Variants in PDAP1 observed in about 807,000 individuals in gnomAD.
The protein encoded by PDAP1 is 28 kDa heat- and acid-stable phosphoprotein.
PDAP1 carries 13 observed loss-of-function variants against 28.0 expected under a neutral mutation model. That is an observed-to-expected ratio of 0.46 (90% CI 0.30 to 0.74). The LOEUF (loss-of-function observed/expected upper bound fraction) is 0.74, where lower values mean the gene tolerates loss of function less well. Ranked by LOEUF, PDAP1 falls within the 30% of genes least tolerant of loss-of-function variation. The pLI is 0.07. For synonymous variants in PDAP1, 77 were observed against 85.1 expected (o/e 0.91, Z 0.52); for missense variants, 150 against 230.0 (o/e 0.65, Z 2.25).
In PDAP1 at chr7:99,394,728, A is replaced by G. The variant is rs2150900632; in HGVS notation, c.*1954T>C. 1 of 1,287,710 alleles carries G rather than the reference A, an allele frequency of 7.8e-7. No homozygotes were observed. The highest frequency in any genetic ancestry group is 1.6e-5 in the African/African-American group (1 of 62,090). 79.8% of individuals were successfully genotyped at this position (1,287,710 alleles called of 1,614,324 possible). Reference sequence around the variant, plus strand: ...AAAAAAAAAATGCCCCCAAAGCACTATGCTGGTCATGAACTGCTTCAAAAT... The same window carrying G: ...AAAAAAAAAATGCCCCCAAAGCACTGTGCTGGTCATGAACTGCTTCAAAAT... On this transcript the variant is annotated 3_prime_UTR_variant, in exon 6 of 6. Transcript: ENST00000350498.
chr7:99,403,316 G>C (rs1794914402), intron 3 of PDAP1, 82 bp downstream of exon 3: 1 of 823,278 alleles, frequency 1.2e-6, no homozygotes, highest in Admixed American at 1.9e-5. Context: ...ATCTACCTTT[G>C]GGACTAGTAC....
intron 3 of PDAP1, among the ~76,000 whole-genome samples, chr7:99,402,001 G>A (rs1794876184): frequency 6.6e-6 from 1 of 151,990 alleles, no homozygotes; most frequent in African/African-American, 2.4e-5. Context: ...TGGGCGCAGT[G>A]GCTCACGCCT....
intron 1 of PDAP1, chr7:99,406,603 A>C (rs1794976140): frequency 2.0e-6 from 2 of 985,288 alleles, no homozygotes; most frequent in Non-Finnish European, 2.4e-6. Context: ...CCCTTGCTTA[A>C]GCCATCAGCC....
At chr7:99,400,053 C>T (rs990036194) in intron 4 of PDAP1, among the ~76,000 whole-genome samples, 1 of 152,218 alleles carries the variant, frequency 6.6e-6, no homozygotes, top group African/African-American at 2.4e-5. Context: ...GGAGGGCAAC[C>T]CTCTGTATCC....
rs771133696 is a variant in PDAP1 at position 99,397,843 on chromosome 7, T to TGCGCA, written c.487+14_487+18dup. On this transcript the variant is annotated intron_variant, in intron 5 of 5. Transcript: ENST00000350498. ...ACCAGAGTTGGGGCCTGTCCCTGCG[T>TGCGCA]GCGCAGCCCAGCCCTTACCTTTCCT... 6.2e-7 allele frequency: 1 copy of TGCGCA among 1,610,920 alleles called. No individual in the cohort carries two copies. The highest frequency in any genetic ancestry group is 2.2e-5 in the East Asian group (1 of 44,824).
At chr7:99,405,009 C>A (rs1794945606) in intron 1 of PDAP1, 56 bp from the exon 2 acceptor site, 13 of 1,323,540 alleles carry the variant, frequency 9.8e-6, no homozygotes, top group Non-Finnish European at 1.4e-5. Context: ...TGCTCTGACC[C>A]CCAGAGGGCT....
chr7:99,396,421 C>T lies in PDAP1; in HGVS notation c.*261G>A. 1 of 545,652 alleles carries T rather than the reference C, an allele frequency of 1.8e-6. No homozygotes were observed. The highest frequency in any genetic ancestry group is 3.3e-6 in the Non-Finnish European group (1 of 303,160). 33.8% of individuals were successfully genotyped at this position (545,652 alleles called of 1,614,324 possible). On this transcript the variant is annotated 3_prime_UTR_variant, in exon 6 of 6. Coordinates refer to ENST00000350498, the MANE Select transcript of PDAP1 (RefSeq NM_014891.7). ...CAGCAAGGGCTCTGAATTCTAAAAA[C>T]AGCAAAAACATTCAAATGGTTACAT...
At chr7:99,408,340 G>C (rs1250026547) in intron 1 of PDAP1, among the ~76,000 whole-genome samples, 196 bp downstream of exon 1, 1 of 152,226 alleles carries the variant, frequency 6.6e-6, no homozygotes, top group East Asian at 1.9e-4. Flanking sequence ...ACCACTGACG[G>C]AGTGACTCTG....
rs183146288 is a variant in PDAP1, at chr7:99,398,588, C to G, written c.336-575G>C. ...CACATGGCTAAGGCAGCATGGCTCC[C>G]AGCTACATGGGAGGCTGAGGCAGGC... On this transcript the variant is annotated intron_variant, in intron 4 of 5. Coordinates refer to ENST00000350498, the MANE Select transcript of PDAP1 (RefSeq NM_014891.7). Among the ~76,000 whole-genome samples the G allele has an allele frequency of 2.0e-5, 3 of 152,184 alleles. No individual in the cohort carries two copies. In the East Asian group the frequency reaches 5.8e-4, roughly 29 times the overall value.
At chr7:99,403,318 G>A (rs377592295) in intron 3 of PDAP1, 80 bp downstream of exon 3, 9 of 838,704 alleles carry the variant, frequency 1.1e-5, no homozygotes, top group African/African-American at 3.3e-5. Context: ...CTACCTTTGG[G>A]ACTAGTACTA....
At chr7:99,406,490 A>G (rs1402702940) in intron 1 of PDAP1, 1 of 839,770 alleles carries the variant, frequency 1.2e-6, no homozygotes, top group East Asian at 1.2e-4. Flanking sequence ...CAAAGTACAG[A>G]TGAAAACAAA....
chr7:99,403,978 C>T (rs1442903763), intron 2 of PDAP1, among the ~76,000 whole-genome samples: 1 of 152,186 alleles, frequency 6.6e-6, no homozygotes, highest in Non-Finnish European at 1.5e-5. Flanking sequence ...CCCACCCACA[C>T]AGGTGACCTC....
intron 1 of PDAP1, among the ~76,000 whole-genome samples, chr7:99,407,706 G>A (rs938331789): frequency 3.9e-5 from 6 of 152,156 alleles, no homozygotes; most frequent in African/African-American, 1.4e-4. Flanking sequence ...AACTTGTTCA[G>A]GGCCACAGAA....
chr7:99,399,752 C>T (rs1794829179), intron 4 of PDAP1, among the ~76,000 whole-genome samples: 1 of 152,218 alleles, frequency 6.6e-6, no homozygotes, highest in African/African-American at 2.4e-5. Flanking sequence ...TGCCAAAAGT[C>T]AGGGCACCAG....
Position 99,403,410 on chromosome 7 carries a change from T to G in PDAP1, c.201A>C (p.Glu67Asp), listed in dbSNP as rs202104648. The G allele has an allele frequency of 6.3e-7, 1 of 1,597,246 alleles. No individual in the cohort carries two copies. The highest frequency in any genetic ancestry group is 1.7e-5 in the Admixed American group (1 of 59,992). Residue 67 changes from glutamate to aspartate, a missense_variant, in exon 3 of 6, where the codon GAA becomes GAC. Glu to Asp is a conservative substitution (Grantham distance 45, BLOSUM62 2). Coordinates refer to ENST00000350498, the MANE Select transcript of PDAP1 (RefSeq NM_014891.7). ...AAGAACTCAGTACCTGGTAGTCATC[T>G]TCTTCATCCTCACTCTCATCTGAGT... ...SLDSDESEDE[E>D]DDYQQKRKGV...
intron 1 of PDAP1, among the ~76,000 whole-genome samples, chr7:99,407,547 A>G (rs888736047): frequency 6.6e-6 from 1 of 152,224 alleles, no homozygotes; most frequent in South Asian, 2.1e-4. Context: ...TGAGTGCATT[A>G]ACCAATATAA....
intron 5 of PDAP1, among the ~76,000 whole-genome samples, chr7:99,397,284 G>A (rs113213538): frequency 7.9e-5 from 12 of 152,208 alleles, no homozygotes; most frequent in African/African-American, 2.2e-4. Flanking sequence ...ACAGACCCCC[G>A]GGAGATGGAA....
chr7:99,397,762 C>G, intron 5 of PDAP1, 100 bp downstream of exon 5: 2 of 1,449,656 alleles, frequency 1.4e-6, no homozygotes, highest in South Asian at 2.5e-5. Flanking sequence ...CACTCCTCAC[C>G]TCATTGTCAC....
chr7:99,405,070 G>A, intron 1 of PDAP1, 117 bp from the exon 2 acceptor site: 1 of 688,700 alleles, frequency 1.5e-6, no homozygotes, highest in Non-Finnish European at 2.5e-6. Context: ...CCCTCACCCA[G>A]CACCACCCAA....
Sources: allele counts gnomAD v4.1 joint callset (sites outside exome capture counted in the v4.1 genomes callset), GRCh38; gene constraint gnomAD v4.1.1; transcripts MANE v1.5; gene names NCBI Gene and HGNC (gene_info 2026-07-23, HGNC 2026-07-21).